The following SLC24A2 variants were observed in gnomAD, a reference collection of about 807,000 sequenced individuals.
The protein encoded by SLC24A2 is solute carrier family 24 member 2, also known as sodium/potassium/calcium exchanger 2.
SLC24A2 carries 36 observed loss-of-function variants against 62.0 expected under a neutral mutation model. That is an observed-to-expected ratio of 0.58 (90% CI 0.44 to 0.77). The LOEUF (loss-of-function observed/expected upper bound fraction) is 0.77. SLC24A2 is among the 30% of genes least tolerant of loss of function. SLC24A2 has a pLI of 0.00. For missense variants in SLC24A2, 846 were observed against 817.9 expected (o/e 1.03, Z -0.42); for synonymous variants, 358 against 294.0 (o/e 1.22, Z -2.23).
intron 2 of SLC24A2, among the ~76,000 whole-genome samples, chr9:19,781,516 G>A (rs538001313): frequency 6.6e-6 from 1 of 152,050 alleles, no homozygotes; most frequent in Non-Finnish European, 1.5e-5. Flanking sequence ...AAATCCACTG[G>A]GCCCTTCTGG....
At chr9:20,224,570 G>A in the SLC24A2 span, among the ~76,000 whole-genome samples, 2 of 152,028 alleles carry the variant, frequency 1.3e-5, no homozygotes, top group African/African-American at 4.8e-5. Context: ...TCATAGTCTA[G>A]CAAGTTGCCT....
intron 2 of SLC24A2, among the ~76,000 whole-genome samples, chr9:19,626,827 G>A (rs919823272): frequency 2.6e-5 from 4 of 152,042 alleles, no homozygotes; most frequent in Non-Finnish European, 1.5e-5. Flanking sequence ...CATTCAAAAT[G>A]TCTCTCCTTG....
At chr9:20,103,027 G>A in the SLC24A2 span, among the ~76,000 whole-genome samples, 10 of 152,176 alleles carry the variant, frequency 6.6e-5, no homozygotes, top group South Asian at 2.1e-4. Context: ...CTTAAAAAAC[G>A]GTGCACCAGG....
chr9:19,977,525 T>G, the SLC24A2 span, among the ~76,000 whole-genome samples: 3 of 152,034 alleles, frequency 2.0e-5, no homozygotes, highest in Non-Finnish European at 2.9e-5. Context: ...GATGAAGAGA[T>G]AGGTACAAGT....
At chr9:20,149,812 C>T in the SLC24A2 span, among the ~76,000 whole-genome samples, 31 of 152,034 alleles carry the variant, frequency 2.0e-4, no homozygotes, top group Non-Finnish European at 5.9e-5. Flanking sequence ...CTGAGAAACT[C>T]AGTAGGAAAA....
chr9:20,148,919 A>G, the SLC24A2 span, among the ~76,000 whole-genome samples: 1 of 152,108 alleles, frequency 6.6e-6, no homozygotes, highest in Non-Finnish European at 1.5e-5. Flanking sequence ...AACATTTTTT[A>G]AAAATCACAG....
intron 2 of SLC24A2, among the ~76,000 whole-genome samples, chr9:19,745,216 T>C (rs1821797275): frequency 6.6e-6 from 1 of 152,204 alleles, no homozygotes; most frequent in Admixed American, 6.6e-5. Flanking sequence ...GAAAGATTCC[T>C]GAGGCCCTTC....
the SLC24A2 span, among the ~76,000 whole-genome samples, chr9:19,925,061 C>T: frequency 1.2e-4 from 19 of 152,150 alleles, no homozygotes; most frequent in African/African-American, 3.9e-4. Context: ...GCATCCAGCA[C>T]CAAAGTAAAA....
At chr9:19,674,159 G>A (rs977857703) in intron 2 of SLC24A2, among the ~76,000 whole-genome samples, 2 of 152,078 alleles carry the variant, frequency 1.3e-5, no homozygotes, top group Non-Finnish European at 2.9e-5. Flanking sequence ...CAAAATTCTT[G>A]GCTGATAATT....
chr9:19,659,871 T>G (rs1819046212), intron 2 of SLC24A2, among the ~76,000 whole-genome samples: 1 of 152,112 alleles, frequency 6.6e-6, no homozygotes, highest in Admixed American at 6.6e-5. Context: ...ATGAATACCA[T>G]CAGAAGAGCA....
the SLC24A2 span, among the ~76,000 whole-genome samples, chr9:20,301,787 T>C: frequency 3.9e-5 from 6 of 152,318 alleles, no homozygotes; most frequent in East Asian, 1.2e-3. Context: ...GGGTTCACTC[T>C]TGGTGTTGTA....
the SLC24A2 span, among the ~76,000 whole-genome samples, chr9:19,843,460 T>G: frequency 1.3e-5 from 2 of 152,198 alleles, no homozygotes; most frequent in African/African-American, 4.8e-5. Context: ...TGCAGTGAGC[T>G]GAGATTTTGC....
At chr9:19,638,087 G>C (rs961803119) in intron 2 of SLC24A2, among the ~76,000 whole-genome samples, 2 of 152,294 alleles carry the variant, frequency 1.3e-5, no homozygotes, top group African/African-American at 4.8e-5. Context: ...TGGAGAAAGA[G>C]AGGCTCAGTA....
the SLC24A2 span, among the ~76,000 whole-genome samples, chr9:19,996,121 G>A: frequency 2.0e-5 from 3 of 152,230 alleles, no homozygotes; most frequent in African/African-American, 4.8e-5. Flanking sequence ...GGAGCATGGG[G>A]TGTCAGATAG....
At chr9:19,795,732 C>T in the SLC24A2 span, among the ~76,000 whole-genome samples, 12 of 152,230 alleles carry the variant, frequency 7.9e-5, no homozygotes, top group South Asian at 2.1e-4. Flanking sequence ...TCTGAAGCCT[C>T]CATCTCACCA....
At chr9:20,007,015 T>G in the SLC24A2 span, among the ~76,000 whole-genome samples, 4 of 152,206 alleles carry the variant, frequency 2.6e-5, no homozygotes, top group African/African-American at 9.6e-5. Flanking sequence ...TGTGTCAACA[T>G]CCTTGCTTTC....
the SLC24A2 span, among the ~76,000 whole-genome samples, chr9:20,174,816 G>A: frequency 2.0e-5 from 3 of 151,894 alleles, no homozygotes; most frequent in South Asian, 6.2e-4. Context: ...ACTAAAGGTA[G>A]AACTACTATT....
the SLC24A2 span, among the ~76,000 whole-genome samples, chr9:20,174,043 C>T: frequency 6.6e-6 from 1 of 151,888 alleles, no homozygotes. Context: ...AGAAATAAAC[C>T]GAAATACTTA....
chr9:19,552,573 G>T (rs1834898436), intron 7 of SLC24A2, among the ~76,000 whole-genome samples: 1 of 151,968 alleles, frequency 6.6e-6, no homozygotes, highest in Admixed American at 6.6e-5. Context: ...TCAAGCTGAT[G>T]AGTTCATTAA....
Sources: gnomAD v4.1 joint callset for allele counts (sites outside exome capture counted in the v4.1 genomes callset) on GRCh38, gnomAD v4.1.1 for gene constraint, MANE v1.5 for transcripts, NCBI Gene and HGNC (gene_info 2026-07-23, HGNC 2026-07-21) for gene names.